Variants in SCARA3 observed in about 807,000 individuals in gnomAD.
SCARA3 encodes scavenger receptor class A member 3, also known as cellular stress response gene protein.
In SCARA3, 39 loss-of-function variants were observed where a neutral mutation model predicts 47.0. The ratio of observed to expected loss-of-function variants is 0.83; its 90% CI spans 0.64 to 1.08. SCARA3 has a LOEUF of 1.08. Among genes scored for constraint, SCARA3 ranks in the 50% least tolerant of loss-of-function variants. The pLI, the probability that SCARA3 is intolerant of heterozygous loss-of-function variation, is 0.00. For synonymous variants in SCARA3, 356 were observed against 334.1 expected (o/e 1.07, Z -0.71); for missense variants, 724 against 792.3 (o/e 0.91, Z 1.04).
In SCARA3 at chr8:27,634,162, C is replaced by T; in HGVS notation, c.-39C>T. 4 of 1,450,720 alleles carry T rather than the reference C, an allele frequency of 2.8e-6. No individual in the cohort carries two copies. The South Asian group carries it at 5.8e-5, about 21-fold the overall frequency. 89.9% of individuals were successfully genotyped at this position (1,450,720 alleles called of 1,614,324 possible). A position where few individuals can be genotyped will look rare whatever the true frequency, so the allele number is the denominator to read the frequency against. On this transcript the variant is annotated 5_prime_UTR_variant, in exon 1 of 6. Coordinates refer to ENST00000301904, the MANE Select transcript of SCARA3 (RefSeq NM_016240.3). ...CCGGCTCCACTACAGCTCCAGCCGCCTGCAGCGGGGCCCTCCTGAGGCCCC... is the reference window on the plus strand; with the variant it reads ...CCGGCTCCACTACAGCTCCAGCCGCTTGCAGCGGGGCCCTCCTGAGGCCCC...
At chr8:27,673,224 A>G (rs1251059344), downstream of SCARA3, among the ~76,000 whole-genome samples, 3 of 152,248 alleles carry the variant, frequency 2.0e-5, no homozygotes, top group Non-Finnish European at 4.4e-5. Context: ...GAGAGCAGGA[A>G]CAGAGGGGGA....
intron 1 of SCARA3, among the ~76,000 whole-genome samples, chr8:27,641,210 AAGGG>A (rs1801374293): frequency 6.6e-6 from 1 of 152,240 alleles, no homozygotes; most frequent in South Asian, 2.1e-4. Flanking sequence ...TACTGAGTCA[AAGGG>A]CACTCGCCCT....
At chr8:27,717,677 C>T in the SCARA3 span, among the ~76,000 whole-genome samples, 6 of 151,812 alleles carry the variant, frequency 4.0e-5, no homozygotes, top group Admixed American at 1.3e-4. Flanking sequence ...CCCAGCTACT[C>T]GGGAGGCTGA....
intron 5 of SCARA3, among the ~76,000 whole-genome samples, chr8:27,670,053 A>T (rs1802110101): frequency 6.6e-6 from 1 of 152,158 alleles, no homozygotes; most frequent in Non-Finnish European, 1.5e-5. Context: ...CCTCGGCACT[A>T]GACAGGGCTC....
chr8:27,653,606 G>A (rs1256988098), intron 3 of SCARA3, among the ~76,000 whole-genome samples: 4 of 109,874 alleles, frequency 3.6e-5, no homozygotes, highest in Non-Finnish European at 8.8e-5. Context: ...TGTGTATGGT[G>A]TATGTGTGAG....
At chr8:27,722,776 C>G in the SCARA3 span, among the ~76,000 whole-genome samples, 1 of 152,208 alleles carries the variant, frequency 6.6e-6, no homozygotes, top group South Asian at 2.1e-4. Context: ...GGAAACCACG[C>G]CTTGTTTTCT....
chr8:27,724,866 C>T, the SCARA3 span, among the ~76,000 whole-genome samples: 3 of 152,092 alleles, frequency 2.0e-5, no homozygotes, highest in Non-Finnish European at 4.4e-5. Flanking sequence ...ATAATGAGAA[C>T]CATAAATAAC....
the SCARA3 span, among the ~76,000 whole-genome samples, chr8:27,720,532 G>C: frequency 6.6e-6 from 1 of 152,016 alleles, no homozygotes; most frequent in Non-Finnish European, 1.5e-5. Context: ...TAGGAATCAG[G>C]ATCCTGGTTC....
At chr8:27,678,859 T>A (rs1253939850), downstream of SCARA3, among the ~76,000 whole-genome samples, 4 of 152,200 alleles carry the variant, frequency 2.6e-5, no homozygotes, top group Non-Finnish European at 5.9e-5. Context: ...GTGGGGTTTA[T>A]CTCAGTATAA....
intron 3 of SCARA3, among the ~76,000 whole-genome samples, chr8:27,652,080 A>T (rs1364998673): frequency 6.6e-6 from 1 of 152,202 alleles, no homozygotes; most frequent in Non-Finnish European, 1.5e-5. Context: ...GTGTTTCTAA[A>T]AGTGAGGCTG....
At chr8:27,728,062 C>T in the SCARA3 span, among the ~76,000 whole-genome samples, 1 of 152,184 alleles carries the variant, frequency 6.6e-6, no homozygotes, top group East Asian at 1.9e-4. Context: ...CTAGAGCTAC[C>T]CACAACAGCA....
At chr8:27,635,297 T>C (rs2128913412) in intron 1 of SCARA3, among the ~76,000 whole-genome samples, 1 of 152,232 alleles carries the variant, frequency 6.6e-6, no homozygotes, top group East Asian at 1.9e-4. Flanking sequence ...AACTTCTGAC[T>C]GGATGCAGCC....
the SCARA3 span, among the ~76,000 whole-genome samples, chr8:27,732,336 C>T: frequency 6.6e-6 from 1 of 152,216 alleles, no homozygotes; most frequent in African/African-American, 2.4e-5. Context: ...CTCTGGCCGC[C>T]ATTCCTTGCC....
chr8:27,726,469 C>T, the SCARA3 span, among the ~76,000 whole-genome samples: 11 of 152,068 alleles, frequency 7.2e-5, no homozygotes, highest in Non-Finnish European at 1.6e-4. Context: ...GAAGCCGAGG[C>T]GGGTGGATCA....
In SCARA3 at chr8:27,656,862, A is replaced by G. The variant is rs1364128082; in HGVS notation, c.307A>G (p.Lys103Glu). 6.2e-7 allele frequency: 1 copy of G among 1,607,676 alleles called. No homozygotes were observed. Among genetic ancestry groups the G allele is most frequent in the Non-Finnish European group, 8.5e-7 (1 of 1,174,106 alleles). The change falls in exon 4 of 6, where the codon AAA becomes GAA. Residue 103 changes from lysine to glutamate, a missense_variant. Coordinates refer to ENST00000301904, the MANE Select transcript of SCARA3 (RefSeq NM_016240.3). Reference sequence around the variant, plus strand: ...TGACAAGAAGCTTGTGTTAATGCAGAAAAATCTCCAGGGCCTGGGTAAGTA... The same window carrying G: ...TGACAAGAAGCTTGTGTTAATGCAGGAAAATCTCCAGGGCCTGGGTAAGTA... The part of the protein sequence containing the change: ...IYDKKLVLMQ[K>E]NLQGLDPKAL...
rs185370285 is a variant in SCARA3 at position 27,671,222 on chromosome 8, G to A, written c.1692G>A (p.Pro564=). 81 of 1,504,926 alleles carry A rather than the reference G, an allele frequency of 5.4e-5. No individual in the cohort carries two copies. Among genetic ancestry groups the A allele is most frequent in the Middle Eastern group, 4.2e-4 (2 of 4,766 alleles). The allele number at this position is 1,504,926 out of a possible 1,614,324, so 93.2% of individuals were successfully genotyped here. A position where few individuals can be genotyped will look rare whatever the true frequency, so the allele number is the denominator to read the frequency against. ...SPGPSGPQGK[P]GIAGKTGSPG... ...GGCCCTCAGGGCCTCAGGGAAAACC[G>A]GGAATTGCAGGGAAGACAGGGTCAC... The change falls in exon 6 of 6, where the codon CCG becomes CCA. Residue 564 remains proline (P), a synonymous_variant. Coordinates refer to ENST00000301904, the MANE Select transcript of SCARA3 (RefSeq NM_016240.3).
At chr8:27,695,408 T>C in the SCARA3 span, among the ~76,000 whole-genome samples, 5 of 152,192 alleles carry the variant, frequency 3.3e-5, no homozygotes, top group African/African-American at 9.6e-5. Flanking sequence ...AAATTAATGT[T>C]CTTCACGGGT....
At chr8:27,643,703 T>C (rs982980856) in intron 1 of SCARA3, among the ~76,000 whole-genome samples, 4 of 152,238 alleles carry the variant, frequency 2.6e-5, no homozygotes, top group Non-Finnish European at 4.4e-5. Flanking sequence ...ACCGATCCAA[T>C]TGGCTGTTTT....
chr8:27,655,885 A>G lies in SCARA3; in HGVS notation c.227-897A>G, dbSNP rs752144986. On this transcript the variant is annotated intron_variant, in intron 3 of 5. Transcript: ENST00000301904. The stretch of plus-strand genomic sequence containing the variant: ...ACATGATACTGATAAAGCAGCATCA[A>G]AGAAAACAGATGAGATGTTCAGAAC... Among the ~76,000 whole-genome samples the G allele has an allele frequency of 3.3e-5, 5 of 152,232 alleles. No individual in the cohort carries two copies. In the South Asian group the frequency reaches 6.2e-4, roughly 19 times the overall value.
Sources: gnomAD v4.1 joint callset for allele counts (sites outside exome capture counted in the v4.1 genomes callset) on GRCh38, gnomAD v4.1.1 for gene constraint, MANE v1.5 for transcripts, NCBI Gene and HGNC (gene_info 2026-07-23, HGNC 2026-07-21) for gene names.